Variants in ARHGAP18 observed in about 807,000 individuals in gnomAD.
ARHGAP18 encodes the protein Rho GTPase activating protein 18.
Under a neutral mutation model 86.2 loss-of-function variants are expected in ARHGAP18, and 67 were observed. That is an observed-to-expected ratio of 0.78 (90% CI 0.64 to 0.95). ARHGAP18 has a LOEUF of 0.95. ARHGAP18 is among the 40% of genes least tolerant of loss of function. ARHGAP18 has a pLI of 0.00. For missense variants in ARHGAP18, 691 were observed against 780.4 expected (o/e 0.89, Z 1.37); for synonymous variants, 283 against 280.4 (o/e 1.01, Z -0.09).
At chr6:129,695,144 C>T (rs1032097708) in intron 1 of ARHGAP18, among the ~76,000 whole-genome samples, 1 of 152,108 alleles carries the variant, frequency 6.6e-6, no homozygotes, top group East Asian at 1.9e-4. Flanking sequence ...AAAATAATGG[C>T]TTCTAGGTCA....
intron 12 of ARHGAP18, among the ~76,000 whole-genome samples, chr6:129,589,064 C>T (rs934672561): frequency 2.6e-5 from 4 of 152,206 alleles, no homozygotes; most frequent in Non-Finnish European, 5.9e-5. Flanking sequence ...CTAGCCCTCC[C>T]TCTGTGATGG....
chr6:129,623,305 G>A (rs921058929), intron 5 of ARHGAP18, among the ~76,000 whole-genome samples: 1 of 152,118 alleles, frequency 6.6e-6, no homozygotes, highest in African/African-American at 2.4e-5. Context: ...ATGTTTCCAT[G>A]TATGAAAAAT....
chr6:129,621,776 T>C (rs1176955683), intron 5 of ARHGAP18, among the ~76,000 whole-genome samples: 1 of 152,154 alleles, frequency 6.6e-6, no homozygotes, highest in Non-Finnish European at 1.5e-5. Context: ...ATAATAATTA[T>C]CTTATCGAAA....
chr6:129,644,673 A>G (rs1008276925), intron 1 of ARHGAP18, among the ~76,000 whole-genome samples: 2 of 152,238 alleles, frequency 1.3e-5, no homozygotes, highest in Non-Finnish European at 2.9e-5. Context: ...AATTGGGTTT[A>G]TCTGCTCAAG....
intron 5 of ARHGAP18, among the ~76,000 whole-genome samples, chr6:129,620,703 G>A (rs377272700): frequency 1.2e-4 from 18 of 152,104 alleles, no homozygotes; most frequent in South Asian, 6.2e-4. Context: ...TACTTCTTGC[G>A]TCTTATCATT....
intron 7 of ARHGAP18, among the ~76,000 whole-genome samples, chr6:129,613,770 A>G (rs1268270745): frequency 6.6e-6 from 1 of 152,232 alleles, no homozygotes; most frequent in Non-Finnish European, 1.5e-5. Context: ...AATACTTTAT[A>G]GCATTCCTTT....
In ARHGAP18 at chr6:129,576,413, A is replaced by G. The variant is rs1365599167; in HGVS notation, c.*2100T>C. ...GTGCTTGAGGCTGCAGTTAGCCGCG[A>G]ATGCACTGCTGTACTCCAATCTGGA... On this transcript the variant is annotated 3_prime_UTR_variant, in exon 15 of 15. Coordinates refer to ENST00000368149, the MANE Select transcript of ARHGAP18 (RefSeq NM_033515.3). 1 of 152,188 alleles carries G rather than the reference A, an allele frequency of 6.6e-6. No homozygotes were observed. Among genetic ancestry groups the G allele is most frequent in the Non-Finnish European group, 1.5e-5 (1 of 68,030 alleles). The allele number at this position is 152,188 out of a possible 1,614,324, so 9.4% of individuals were successfully genotyped here.
rs570477591 is a variant in ARHGAP18, at chr6:129,710,027, G to A, written c.110C>T (p.Ser37Leu). 9.9e-6 allele frequency: 16 copies of A among 1,613,406 alleles called. No homozygotes were observed. In the South Asian group the frequency reaches 1.6e-4, roughly 17 times the overall value. ...TTTTCAGCTTCCGAAGGCTTACCTC[G>A]AGGTGGCTTCCTCCCCTGCCTTTGC... ...SHAKAGEEAT[S>L]SRRYGQYTMN... is the part of the protein sequence containing the mutation. Residue 37 changes from serine (S) to leucine (L), a missense_variant, in exon 1 of 15, where the codon TCG becomes TTG. Ser to Leu is a moderately radical substitution (Grantham distance 145, BLOSUM62 -2). Coordinates refer to ENST00000368149, the MANE Select transcript of ARHGAP18 (RefSeq NM_033515.3).
Position 129,602,036 on chromosome 6 carries a change from C to G in ARHGAP18, c.1366-1188G>C, listed in dbSNP as rs186813035. 2.0e-4 allele frequency among the ~76,000 whole-genome samples: 31 copies of G among 152,154 alleles called. No homozygotes were observed. The East Asian group carries it at 3.1e-3, about 15-fold the overall frequency. ...CACCCCTATTGCAGACACTCATTGTCCTCTGAAACTACCTTCTCCAAAAGG... is the reference window on the plus strand; with the variant it reads ...CACCCCTATTGCAGACACTCATTGTGCTCTGAAACTACCTTCTCCAAAAGG... On this transcript the variant is annotated intron_variant, in intron 10 of 14. Coordinates refer to ENST00000368149, the MANE Select transcript of ARHGAP18 (RefSeq NM_033515.3).
At chr6:129,611,655 G>C in intron 7 of ARHGAP18, 45 bp from the exon 8 acceptor site, 1 of 1,528,700 alleles carries the variant, frequency 6.5e-7, no homozygotes, top group Non-Finnish European at 9.0e-7. Context: ...ATTTGTAACA[G>C]GTACAATTCC....
intron 4 of ARHGAP18, among the ~76,000 whole-genome samples, chr6:129,630,940 G>A (rs147986192): frequency 5.9e-5 from 9 of 152,166 alleles, no homozygotes; most frequent in Non-Finnish European, 1.0e-4. Flanking sequence ...TTTAAAGCCC[G>A]TTGATATTAT....
intron 4 of ARHGAP18, among the ~76,000 whole-genome samples, chr6:129,631,630 A>C (rs1038623420): frequency 6.6e-6 from 1 of 152,160 alleles, no homozygotes; most frequent in African/African-American, 2.4e-5. Context: ...GTCTCTTTTT[A>C]AGTGCACAAT....
Position 129,599,222 on chromosome 6 carries a change from T to G in ARHGAP18, c.1707A>C (p.Thr569=), listed in dbSNP as rs753484384. 1 of 1,562,730 alleles carries G rather than the reference T, an allele frequency of 6.4e-7. No individual in the cohort carries two copies. The highest frequency in any genetic ancestry group is 8.6e-7 in the Non-Finnish European group (1 of 1,161,902). The change falls in exon 12 of 15, where the codon ACA becomes ACC. Residue 569 remains threonine (T), a synonymous_variant. Coordinates refer to ENST00000368149, the MANE Select transcript of ARHGAP18 (RefSeq NM_033515.3). ...REKYEKQDKS[T]NDADVPQGVI... is the part of the protein sequence containing the mutation. Reference sequence around the variant, plus strand: ...ATCTCCACTATTTTCTTACATCATTTGTACTCTTATCTTGCTTTTCATATT... The same window carrying G: ...ATCTCCACTATTTTCTTACATCATTGGTACTCTTATCTTGCTTTTCATATT...
Position 129,625,665 on chromosome 6 carries a change from TTA to T in ARHGAP18, c.786+3686_786+3687del, listed in dbSNP as rs1339114458. ...TTATATATTTATATATTATATATATTTATATTATATTATATATATTTATATAT... is the reference window on the plus strand; with the variant it reads ...TTATATATTTATATATTATATATATTTATTATATTATATATATTTATATAT... On this transcript the variant is annotated intron_variant, in intron 5 of 14. Coordinates refer to ENST00000368149, the MANE Select transcript of ARHGAP18 (RefSeq NM_033515.3). Among the ~76,000 whole-genome samples, 2 of 69,020 alleles carry T rather than the reference TTA, an allele frequency of 2.9e-5. 1 individual carries two copies. The allele number at this position is 69,020 out of a possible 152,430, so 45.3% of individuals were successfully genotyped here. A position where few individuals can be genotyped will look rare whatever the true frequency, so the allele number is the denominator to read the frequency against.
At chr6:129,592,871 A>C (rs1213803710) in intron 12 of ARHGAP18, among the ~76,000 whole-genome samples, 2 of 152,182 alleles carry the variant, frequency 1.3e-5, no homozygotes, top group African/African-American at 4.8e-5. Flanking sequence ...AAAATTCTAA[A>C]AGGAAAAAAC....
chr6:129,708,001 G>T (rs1416552660), intron 1 of ARHGAP18, among the ~76,000 whole-genome samples: 1 of 151,864 alleles, frequency 6.6e-6, no homozygotes, highest in Non-Finnish European at 1.5e-5. Context: ...GGTCACCGAG[G>T]ACCCCATCCC....
intron 1 of ARHGAP18, among the ~76,000 whole-genome samples, chr6:129,697,372 C>T (rs72988822): frequency 0.027 from 4,178 of 152,154 alleles, 77 homozygotes; most frequent in Non-Finnish European, 0.044. Context: ...CAACTGAAAC[C>T]ACCACCTTCT....
chr6:129,614,468 A>G lies in ARHGAP18; in HGVS notation c.1044+1744T>C, dbSNP rs75286722. 8.9e-3 allele frequency among the ~76,000 whole-genome samples: 1,356 copies of G among 152,346 alleles called. 21 individuals are homozygous for G. The highest frequency in any genetic ancestry group is 0.031 in the African/African-American group (1,300 of 41,576). ...GGCCATTATCCAATCCTTCAAATAG[A>G]TAAGACAGCCAGAGTCTGCAGAATG... On this transcript the variant is annotated intron_variant, in intron 7 of 14. Transcript: ENST00000368149.
chr6:129,665,612 T>C (rs1268937287), intron 1 of ARHGAP18, among the ~76,000 whole-genome samples: 7 of 152,214 alleles, frequency 4.6e-5, no homozygotes. Context: ...GCCTCCACTA[T>C]GTTCTGCGAA....
Sources: gnomAD v4.1 joint callset for allele counts (sites outside exome capture counted in the v4.1 genomes callset) on GRCh38, gnomAD v4.1.1 for gene constraint, MANE v1.5 for transcripts, NCBI Gene and HGNC (gene_info 2026-07-23, HGNC 2026-07-21) for gene names.